The following CHSY3 variants were observed in gnomAD, a reference collection of about 807,000 sequenced individuals.
The protein encoded by CHSY3 is N-acetylgalactosaminyl-proteoglycan 3-beta-glucuronosyltransferase 3.
In CHSY3, 35 loss-of-function variants were observed where a neutral mutation model predicts 67.2. The ratio of observed to expected loss-of-function variants is 0.52; its 90% CI spans 0.40 to 0.69. The LOEUF (loss-of-function observed/expected upper bound fraction) is 0.69. CHSY3 is among the 30% of genes least tolerant of loss of function. CHSY3 has a pLI of 0.00. For synonymous variants in CHSY3, 474 were observed against 434.7 expected (o/e 1.09, Z -1.12); for missense variants, 1,069 against 1,138.5 (o/e 0.94, Z 0.88).
At chr5:130,182,304 A>G (rs1454549521) in intron 2 of CHSY3, among the ~76,000 whole-genome samples, 1 of 152,010 alleles carries the variant, frequency 6.6e-6, no homozygotes, top group African/African-American at 2.4e-5. Context: ...TTTGTGAAGT[A>G]CTCATTCAGG....
At chr5:129,994,443 T>C (rs1201079977) in intron 2 of CHSY3, among the ~76,000 whole-genome samples, 1 of 152,156 alleles carries the variant, frequency 6.6e-6, no homozygotes, top group Non-Finnish European at 1.5e-5. Context: ...ACTTCTCTTC[T>C]CTCTTCATTT....
intron 2 of CHSY3, among the ~76,000 whole-genome samples, chr5:130,058,968 A>G (rs182138833): frequency 2.6e-3 from 401 of 152,252 alleles, no homozygotes; most frequent in Middle Eastern, 0.02. Context: ...TTGTCTTTGA[A>G]TTTAGGGACT....
At chr5:130,157,597 G>A (rs1264083605) in intron 2 of CHSY3, among the ~76,000 whole-genome samples, 1 of 152,236 alleles carries the variant, frequency 6.6e-6, no homozygotes, top group Non-Finnish European at 1.5e-5. Context: ...CTAAAAAAGA[G>A]TCAACCGAAC....
intron 2 of CHSY3, among the ~76,000 whole-genome samples, chr5:130,176,489 C>T (rs976065121): frequency 6.6e-6 from 1 of 152,192 alleles, no homozygotes; most frequent in Non-Finnish European, 1.5e-5. Flanking sequence ...AATCCCATTA[C>T]TGGGTATATA....
chr5:130,069,226 G>C lies in CHSY3; in HGVS notation c.1087-115003G>C, dbSNP rs149101574. Among the ~76,000 whole-genome samples the C allele has an allele frequency of 3.1e-3, 476 of 152,066 alleles. 2 individuals are homozygous for C. The highest frequency in any genetic ancestry group is 0.01 in the African/African-American group (421 of 41,518). On this transcript the variant is annotated intron_variant, in intron 2 of 2. Transcript: ENST00000305031. ...TGGTCGGTCATCTTCTTGGACATGG[G>C]ATGTAAATGCATTTGAAGCTATAAG...
At chr5:130,140,892 G>A (rs574418920) in intron 2 of CHSY3, 33 of 522,754 alleles carry the variant, frequency 6.3e-5, no homozygotes, top group Non-Finnish European at 8.3e-5. Context: ...CTCTTTGCAG[G>A]AATTGACTTC....
At chr5:130,025,889 T>C (rs1764527349) in intron 2 of CHSY3, among the ~76,000 whole-genome samples, 1 of 152,142 alleles carries the variant, frequency 6.6e-6, no homozygotes, top group Admixed American at 6.6e-5. Context: ...CTATAGCAGA[T>C]ATCATCTGGT....
intron 2 of CHSY3, among the ~76,000 whole-genome samples, chr5:129,976,074 A>T (rs1410698186): frequency 1.3e-5 from 2 of 152,184 alleles, no homozygotes; most frequent in Non-Finnish European, 2.9e-5. Context: ...AACCAGTTTT[A>T]TTCAAGAAGA....
At position 129,919,138 on chromosome 5, in the gene CHSY3, T is replaced by A. The variant is rs966220974; in HGVS notation, c.1086+10778T>A. Reference sequence around the variant, plus strand: ...CAAAAAAAAAAAAAAAAAAAAAAAATTTATTCTGCTAATATATTTTTTTAG... The same window carrying A: ...CAAAAAAAAAAAAAAAAAAAAAAAAATTATTCTGCTAATATATTTTTTTAG... On this transcript the variant is annotated intron_variant, in intron 2 of 2. Transcript: ENST00000305031. Among the ~76,000 whole-genome samples the A allele has an allele frequency of 4.5e-3, 454 of 101,496 alleles. 5 individuals are homozygous for A. The highest frequency in any genetic ancestry group is 0.013 in the African/African-American group (374 of 27,824). 66.6% of individuals were successfully genotyped at this position (101,496 alleles called of 152,430 possible).
At chr5:130,135,222 A>G (rs1216115335) in intron 2 of CHSY3, among the ~76,000 whole-genome samples, 1 of 151,852 alleles carries the variant, frequency 6.6e-6, no homozygotes, top group South Asian at 2.1e-4. Context: ...ACACACAAAC[A>G]TATATGCATG....
chr5:129,938,440 A>G (rs1304578493), intron 2 of CHSY3, among the ~76,000 whole-genome samples: 1 of 152,246 alleles, frequency 6.6e-6, no homozygotes, highest in African/African-American at 2.4e-5. Flanking sequence ...CTTTTGTGCT[A>G]CATGCCTGGG....
At chr5:130,141,650 G>T (rs1768870049) in intron 2 of CHSY3, 1 of 525,888 alleles carries the variant, frequency 1.9e-6, no homozygotes. Context: ...TCAGTTGAAA[G>T]CTATGCATTC....
At chr5:129,921,168 C>T (rs557315468) in intron 2 of CHSY3, among the ~76,000 whole-genome samples, 1 of 152,194 alleles carries the variant, frequency 6.6e-6, no homozygotes, top group Non-Finnish European at 1.5e-5. Flanking sequence ...TCCTAGGAGA[C>T]ATTATATGGC....
At chr5:130,144,133 CAAAA>C (rs59606039) in intron 2 of CHSY3, among the ~76,000 whole-genome samples, 2 of 140,916 alleles carry the variant, frequency 1.4e-5, no homozygotes, top group African/African-American at 5.2e-5. Context: ...TCTTTCCAAG[CAAAA>C]AAAAAAATTC....
chr5:130,096,875 T>C (rs1173437308), intron 2 of CHSY3, among the ~76,000 whole-genome samples: 2 of 152,166 alleles, frequency 1.3e-5, no homozygotes, highest in South Asian at 4.1e-4. Flanking sequence ...GTCCAGAAAT[T>C]ATTATTTTTA....
chr5:129,933,834 A>C (rs1188268674), intron 2 of CHSY3, among the ~76,000 whole-genome samples: 1 of 152,092 alleles, frequency 6.6e-6, no homozygotes, highest in African/African-American at 2.4e-5. Flanking sequence ...AATTGGATGA[A>C]TTTTTTAGAA....
intron 2 of CHSY3, among the ~76,000 whole-genome samples, chr5:130,144,123 T>C (rs1323291887): frequency 6.6e-6 from 1 of 151,216 alleles, no homozygotes; most frequent in African/African-American, 2.4e-5. Flanking sequence ...TATAAATATA[T>C]CTTTCCAAGC....
intron 2 of CHSY3, among the ~76,000 whole-genome samples, chr5:130,068,323 A>C (rs1227793828): frequency 6.6e-6 from 1 of 152,114 alleles, no homozygotes; most frequent in Non-Finnish European, 1.5e-5. Context: ...TAATTACCAA[A>C]GCATCCCTCT....
chr5:130,177,647 T>A (rs1299827097), intron 2 of CHSY3, among the ~76,000 whole-genome samples: 1 of 152,142 alleles, frequency 6.6e-6, no homozygotes, highest in Non-Finnish European at 1.5e-5. Flanking sequence ...GAGCCTTTTA[T>A]CACTGTCCTC....
Sources: gnomAD v4.1 joint callset for allele counts (sites outside exome capture counted in the v4.1 genomes callset) on GRCh38, gnomAD v4.1.1 for gene constraint, MANE v1.5 for transcripts, NCBI Gene and HGNC (gene_info 2026-07-23, HGNC 2026-07-21) for gene names.